Variants in IL17B observed in about 807,000 individuals in gnomAD.
The protein encoded by IL17B is interleukin 17B.
Under a neutral mutation model 14.7 loss-of-function variants are expected in IL17B, and 14 were observed. The observed-to-expected ratio is 0.95, with a 90% CI of 0.63 to 1.49. The LOEUF is 1.49. IL17B is among the 40% of genes most tolerant of loss of function. The probability of loss-of-function intolerance (pLI) is 0.00; values close to 1 mark genes in which losing one functional copy is unlikely to be tolerated. For missense variants in IL17B, 233 were observed against 252.8 expected (o/e 0.92, Z 0.53); for synonymous variants, 105 against 94.8 (o/e 1.11, Z -0.62).
intron 1 of IL17B, among the ~76,000 whole-genome samples, chr5:149,402,989 T>A (rs1581399958): frequency 8.8e-6 from 1 of 113,876 alleles, no homozygotes; most frequent in Non-Finnish European, 1.7e-5. Context: ...GGTTACACAG[T>A]GAGACTCCAT....
rs1246125838 is a variant in IL17B at position 149,376,915 on chromosome 5, C to T, written c.132G>A (p.Gln44=). The T allele has an allele frequency of 6.2e-7, 1 of 1,614,114 alleles. No homozygotes were observed. The highest frequency in any genetic ancestry group is 1.1e-5 in the South Asian group (1 of 91,080). ...TCCGTGACACCAGGTCCAGTGGCAC[C>T]TGGTGAGGGCCAGGGGCCAGGGGCC... ...RPGPLAPGPH[Q]VPLDLVSRMK... Residue 44 remains glutamine, a synonymous_variant, in exon 2 of 3, where the codon CAG becomes CAA. Transcript: ENST00000261796.
In IL17B at chr5:149,379,270, A is replaced by G; in HGVS notation, c.-45T>C. On this transcript the variant is annotated 5_prime_UTR_variant, in exon 1 of 3. Coordinates refer to ENST00000261796, the MANE Select transcript of IL17B (RefSeq NM_014443.3). ...AGCCTGCAGCTGCTGCCCGCCTGGA[A>G]CCCCAGATGCCGCCGAGAGAATGGC... 3 of 1,609,960 alleles carry G rather than the reference A, an allele frequency of 1.9e-6. No individual in the cohort carries two copies. In the African/African-American group the frequency reaches 4.0e-5, roughly 21 times the overall value.
chr5:149,384,262 T>A (rs1029087901), upstream of IL17B, among the ~76,000 whole-genome samples: 1 of 152,186 alleles, frequency 6.6e-6, no homozygotes, highest in Admixed American at 6.5e-5. Context: ...CTGCCCCTTA[T>A]TATATGGTCA....
chr5:149,401,361 A>G (rs1759202821), intron 1 of IL17B, among the ~76,000 whole-genome samples: 1 of 152,244 alleles, frequency 6.6e-6, no homozygotes, highest in Non-Finnish European at 1.5e-5. Context: ...TGCCATACAT[A>G]AATTCTAAAA....
chr5:149,393,263 T>A (rs1331390604), intron 1 of IL17B, among the ~76,000 whole-genome samples: 1 of 152,204 alleles, frequency 6.6e-6, no homozygotes, highest in Non-Finnish European at 1.5e-5. Flanking sequence ...CCGTTTTTAC[T>A]CTTCAGGTCG....
intron 2 of IL17B, among the ~76,000 whole-genome samples, chr5:149,376,413 C>A (rs1262308333): frequency 1.3e-5 from 2 of 152,252 alleles, no homozygotes; most frequent in Non-Finnish European, 2.9e-5. Context: ...CCGAGGCCCA[C>A]AGAGCAGAGG....
At chr5:149,392,967 TGCGCGC>T (rs71740356) in intron 1 of IL17B, among the ~76,000 whole-genome samples, 50,980 of 145,188 alleles carry the variant, frequency 0.35, 8,959 homozygotes, top group African/African-American at 0.44. Flanking sequence ...TGCGTGTGTG[TGCGCGC>T]GTGCGTGTGT....
intron 1 of IL17B, among the ~76,000 whole-genome samples, chr5:149,393,524 T>C (rs896628530): frequency 4.6e-5 from 7 of 152,274 alleles, no homozygotes; most frequent in Middle Eastern, 3.4e-3. Flanking sequence ...AATACATGAG[T>C]GCGTTAATTC....
chr5:149,390,587 G>GCGCACACA (rs1373900753), intron 1 of IL17B, among the ~76,000 whole-genome samples: 1 of 114,880 alleles, frequency 8.7e-6, no homozygotes, highest in African/African-American at 3.5e-5. Context: ...CCCTGAGTTA[G>GCGCACACA]CACACACACA....
Position 149,374,615 on chromosome 5 carries a change from A to C in IL17B, c.312-15T>G. 2 of 1,598,982 alleles carry C rather than the reference A, an allele frequency of 1.3e-6. No homozygotes were observed. Among genetic ancestry groups the C allele is most frequent in the Non-Finnish European group, 1.7e-6 (2 of 1,168,638 alleles). On this transcript the variant is annotated splice_polypyrimidine_tract_variant and intron_variant, in intron 2 of 2. Transcript: ENST00000261796. This position sits in a 1 kb window ranked among gnomAD's most constrained non-coding sequence, Gnocchi z 5.0. ...CGTGGTTGATGCTGCAGGGAGCAGA[A>C]GAAAGAGCAGAGCGGAAGGTGATCA...
At chr5:149,388,358 G>C (rs1445061498) in intron 1 of IL17B, among the ~76,000 whole-genome samples, 2 of 152,142 alleles carry the variant, frequency 1.3e-5, no homozygotes, top group Non-Finnish European at 2.9e-5. Context: ...CAACCACAGA[G>C]CTAGCTCTGA....
intron 1 of IL17B, among the ~76,000 whole-genome samples, chr5:149,399,668 G>A (rs535841838): frequency 2.0e-5 from 3 of 152,116 alleles, no homozygotes; most frequent in Admixed American, 6.5e-5. Flanking sequence ...TTTGTGTCAG[G>A]TGGGTTTGAT....
chr5:149,385,680 A>G (rs1212809008), intron 1 of IL17B, among the ~76,000 whole-genome samples: 1 of 152,224 alleles, frequency 6.6e-6, no homozygotes, highest in East Asian at 1.9e-4. Context: ...GGGGATGTTT[A>G]TCCTCTGCTC....
Position 149,374,512 on chromosome 5 carries a change from C to G in IL17B, c.400G>C (p.Glu134Gln). The G allele has an allele frequency of 1.9e-6, 3 of 1,613,292 alleles. No homozygotes were observed. Among genetic ancestry groups the G allele is most frequent in the Non-Finnish European group, 2.5e-6 (3 of 1,180,016 alleles). The change falls in exon 3 of 3, where the codon GAG (glutamate) becomes CAG (glutamine). Residue 134 changes from glutamate to glutamine, a missense_variant. Transcript: ENST00000261796. This position sits in a 1 kb window ranked among gnomAD's most constrained non-coding sequence, Gnocchi z 5.0. ...LGCVNPFTMQ[E>Q]DRSMVSVPVF... ...GGCACGCTCACCATGCTGCGGTCCT[C>G]CTGCATGGTGAAGGGGTTCACACAG...
At chr5:149,399,480 C>T (rs1759166226) in intron 1 of IL17B, among the ~76,000 whole-genome samples, 1 of 144,110 alleles carries the variant, frequency 6.9e-6, no homozygotes, top group Non-Finnish European at 1.5e-5. Flanking sequence ...TGGGAGAAGA[C>T]AATTATCTTT....
chr5:149,401,181 T>C (rs1266085768), intron 1 of IL17B, among the ~76,000 whole-genome samples: 1 of 152,314 alleles, frequency 6.6e-6, no homozygotes, highest in East Asian at 1.9e-4. Flanking sequence ...CAAGGGTCCT[T>C]TCTAGGGCCC....
intron 1 of IL17B, among the ~76,000 whole-genome samples, chr5:149,400,420 G>A (rs539476989): frequency 3.2e-4 from 48 of 152,302 alleles, no homozygotes; most frequent in Admixed American, 1.4e-3. Flanking sequence ...CCCCAGAGCT[G>A]TGAGATAAAT....
intron 1 of IL17B, among the ~76,000 whole-genome samples, chr5:149,384,909 CT>C (rs531690396): frequency 0.056 from 7,394 of 131,688 alleles, 184 homozygotes; most frequent in East Asian, 0.085. Context: ...GGTTGTTGAG[CT>C]TTTTTTTTTT....
At chr5:149,387,955 CA>C (rs1396261132) in intron 1 of IL17B, among the ~76,000 whole-genome samples, 1 of 152,150 alleles carries the variant, frequency 6.6e-6, no homozygotes, top group Non-Finnish European at 1.5e-5. Flanking sequence ...TCCCTTTAAC[CA>C]TCAGCTACCC....
Sources: gnomAD v4.1 joint callset for allele counts (sites outside exome capture counted in the v4.1 genomes callset) on GRCh38, gnomAD v4.1.1 for gene constraint, Gnocchi (gnomAD v3.1) non-coding constraint, MANE v1.5 for transcripts, NCBI Gene and HGNC (gene_info 2026-07-23, HGNC 2026-07-21) for gene names.